RASSF10: variants seen among roughly 807,000 people sequenced by gnomAD.
The protein encoded by RASSF10 is Ras association domain family member 10, also known as ras association domain-containing protein 10.
A neutral mutation model predicts 41.5 loss-of-function variants in RASSF10; 22 were observed. The ratio of observed to expected loss-of-function variants is 0.53; its 90% CI spans 0.38 to 0.76. The LOEUF (loss-of-function observed/expected upper bound fraction) is 0.76. RASSF10 is among the 30% of genes least tolerant of loss of function. RASSF10 has a pLI of 0.00. For missense variants in RASSF10, 776 were observed against 711.8 expected (o/e 1.09, Z -1.03); for synonymous variants, 364 against 319.0 (o/e 1.14, Z -1.50).
rs1358623377 is a variant in RASSF10, at chr11:13,010,771, T to C, written c.1195T>C (p.Tyr399His). The change falls in exon 1 of 1, where the codon TAC becomes CAC. Residue 399 changes from tyrosine to histidine, a missense_variant. By Grantham distance (83) the Tyr-to-His change is moderately conservative. Transcript: ENST00000529419. The surrounding 1 kb of genome is among the most constrained non-coding windows in gnomAD (Gnocchi z 4.8). ...CAGGACGCAGCTCAGTACCAGCCTTTACATTGGGCTGCGGCTCAACACGGA... is the reference window on the plus strand; with the variant it reads ...CAGGACGCAGCTCAGTACCAGCCTTCACATTGGGCTGCGGCTCAACACGGA... ...RVRTQLSTSL[Y>H]IGLRLNTDLE... is the part of the protein sequence containing the mutation. 4 of 1,609,254 alleles carry C rather than the reference T, an allele frequency of 2.5e-6. No homozygotes were observed. The highest frequency in any genetic ancestry group is 3.4e-6 in the Non-Finnish European group (4 of 1,177,902).
chr11:13,009,545 G>A lies in RASSF10; in HGVS notation c.-32G>A, dbSNP rs777073562. 3.1e-6 allele frequency: 5 copies of A among 1,594,206 alleles called. No homozygotes were observed. The highest frequency in any genetic ancestry group is 4.3e-6 in the Non-Finnish European group (5 of 1,168,086). On this transcript the variant is annotated 5_prime_UTR_variant, in exon 1 of 1. Coordinates refer to ENST00000529419, the MANE Select transcript of RASSF10 (RefSeq NM_001080521.3). ...GTCCTCGCCGCCCCAGCAGACCCCGGCCGGACCTGCCACCTGCGCCCTGGT... is the reference window on the plus strand; with the variant it reads ...GTCCTCGCCGCCCCAGCAGACCCCGACCGGACCTGCCACCTGCGCCCTGGT...
chr11:13,009,719 GGA>G lies in RASSF10; in HGVS notation c.145_146del (p.Ser49ProfsTer52). ...TGCCGGCGGCGACGGAGACAGCGGC[GGA>G]GCCGGCGGCTGGGGTCGGCCGGCGA... On this transcript the variant is annotated frameshift_variant, in exon 1 of 1. Coordinates refer to ENST00000529419, the MANE Select transcript of RASSF10 (RefSeq NM_001080521.3). LOFTEE classifies it high-confidence loss of function. 6.3e-7 allele frequency: 1 copy of G among 1,586,808 alleles called. No homozygotes were observed. The highest frequency in any genetic ancestry group is 8.6e-7 in the Non-Finnish European group (1 of 1,167,100).
chr11:13,010,617 A>T lies in RASSF10; in HGVS notation c.1041A>T (p.Ser347=). 6.3e-7 allele frequency: 1 copy of T among 1,587,908 alleles called. No individual in the cohort carries two copies. Among genetic ancestry groups the T allele is most frequent in the Non-Finnish European group, 8.6e-7 (1 of 1,168,094 alleles). ...AGGAGGAGTTGCTGGAGCGCCTTTC[A>T]GCCGAGATTCAGGAGGAACTCAACC... ...VQQEELLERL[S]AEIQEELNQR... The change falls in exon 1 of 1, where the codon TCA becomes TCT. Residue 347 remains serine, a synonymous_variant. Coordinates refer to ENST00000529419, the MANE Select transcript of RASSF10 (RefSeq NM_001080521.3). This position sits in a 1 kb window ranked among gnomAD's most constrained non-coding sequence, Gnocchi z 4.8.
In RASSF10 at chr11:13,010,552, T is replaced by A. The variant is rs1351371354; in HGVS notation, c.976T>A (p.Cys326Ser). ...AAALEELARR[C>S]DDLLRLQEQR... ...GGCGCTGGAGGAGCTGGCCCGGCGC[T>A]GCGACGACTTGCTGCGGCTTCAGGA... The change falls in exon 1 of 1, where the codon TGC (cysteine) becomes AGC (serine). Residue 326 changes from cysteine to serine, a missense_variant. Coordinates refer to ENST00000529419, the MANE Select transcript of RASSF10 (RefSeq NM_001080521.3). This position sits in a 1 kb window ranked among gnomAD's most constrained non-coding sequence, Gnocchi z 4.8. 2 of 1,540,390 alleles carry A rather than the reference T, an allele frequency of 1.3e-6. No individual in the cohort carries two copies. Among genetic ancestry groups the A allele is most frequent in the South Asian group, 1.2e-5 (1 of 82,588 alleles).
rs768562464 is a variant in RASSF10, at chr11:13,010,163, C to T, written c.587C>T (p.Pro196Leu). The stretch of plus-strand genomic sequence containing the variant: ...AACCGGCGGCGCCAGCAGCAGACAC[C>T]GTCGTCCTGTTCGTCCACTTCGTCG... Reference protein sequence around the residue: ...KLNRRRQQQTPSSCSSTSSST... With the variant: ...KLNRRRQQQTLSSCSSTSSST... The change falls in exon 1 of 1, where the codon CCG becomes CTG. Residue 196 changes from proline (P) to leucine (L), a missense_variant. Transcript: ENST00000529419. The surrounding 1 kb of genome is among the most constrained non-coding windows in gnomAD (Gnocchi z 4.8). 10 of 1,584,538 alleles carry T rather than the reference C, an allele frequency of 6.3e-6. No homozygotes were observed. In the East Asian group the frequency reaches 1.9e-4, roughly 30 times the overall value.
rs373507190 is a variant in RASSF10 at position 13,010,546 on chromosome 11, C to G, written c.970C>G (p.Arg324Gly). ...GGCGGCGGCGCTGGAGGAGCTGGCC[C>G]GGCGCTGCGACGACTTGCTGCGGCT... is the stretch of plus-strand genomic sequence containing the variant. Reference protein sequence around the residue: ...AQAAALEELARRCDDLLRLQE... With the variant: ...AQAAALEELAGRCDDLLRLQE... The change falls in exon 1 of 1, where the codon CGG becomes GGG. Residue 324 changes from arginine (R) to glycine (G), a missense_variant. By Grantham distance (125) the Arg-to-Gly change is moderately radical. Coordinates refer to ENST00000529419, the MANE Select transcript of RASSF10 (RefSeq NM_001080521.3). The surrounding 1 kb of genome is among the most constrained non-coding windows in gnomAD (Gnocchi z 4.8). The G allele has an allele frequency of 6.1e-5, 93 of 1,534,618 alleles. No homozygotes were observed. The African/African-American group carries it at 1.2e-3, about 19-fold the overall frequency.
At position 13,009,879 on chromosome 11, in the gene RASSF10, G is replaced by A; in HGVS notation, c.303G>A (p.Glu101=). ...YCIVEKWRGF[E]RILPNKTRIL... The stretch of plus-strand genomic sequence containing the variant: ...TCGTGGAGAAGTGGCGCGGCTTTGA[G>A]CGCATCCTCCCCAACAAGACGCGCA... The change falls in exon 1 of 1, where the codon GAG becomes GAA. Residue 101 remains glutamate, a synonymous_variant. Coordinates refer to ENST00000529419, the MANE Select transcript of RASSF10 (RefSeq NM_001080521.3). 6.2e-7 allele frequency: 1 copy of A among 1,605,402 alleles called. No homozygotes were observed. Among genetic ancestry groups the A allele is most frequent in the Non-Finnish European group, 8.5e-7 (1 of 1,176,592 alleles).
rs780369135 is a variant in RASSF10 at position 13,010,921 on chromosome 11, C to T, written c.1345C>T (p.Pro449Ser). 1 of 1,613,776 alleles carries T rather than the reference C, an allele frequency of 6.2e-7. No individual in the cohort carries two copies. Among genetic ancestry groups the T allele is most frequent in the Non-Finnish European group, 8.5e-7 (1 of 1,179,870 alleles). ...GCTGACGGTGGCACCGGATGGGGCT[C>T]CTGGCTCTGGCAGTCCCTCGCGGGA... is the stretch of plus-strand genomic sequence containing the variant. ...LELTVAPDGA[P>S]GSGSPSREPG... is the part of the protein sequence containing the mutation. The change falls in exon 1 of 1, where the codon CCT (proline) becomes TCT (serine). Residue 449 changes from proline (P) to serine (S), a missense_variant. By Grantham distance (74) the Pro-to-Ser change is moderately conservative. Coordinates refer to ENST00000529419, the MANE Select transcript of RASSF10 (RefSeq NM_001080521.3). This position sits in a 1 kb window ranked among gnomAD's most constrained non-coding sequence, Gnocchi z 4.8.
Position 13,010,454 on chromosome 11 carries a change from A to G in RASSF10, c.878A>G (p.Glu293Gly). ...CTCGACGGGTCCAGACCGGGAGAGG[A>G]GCCAGAAGAGGTGGCGGCGGAGGCG... The part of the protein sequence containing the change: ...IELDGSRPGE[E>G]PEEVAAEAEE... The change falls in exon 1 of 1, where the codon GAG becomes GGG. Residue 293 changes from glutamate to glycine, a missense_variant. Coordinates refer to ENST00000529419, the MANE Select transcript of RASSF10 (RefSeq NM_001080521.3). The surrounding 1 kb of genome is among the most constrained non-coding windows in gnomAD (Gnocchi z 4.8). 2.0e-6 allele frequency: 3 copies of G among 1,534,802 alleles called. No individual in the cohort carries two copies. Among genetic ancestry groups the G allele is most frequent in the Non-Finnish European group, 2.6e-6 (3 of 1,138,446 alleles).
At position 13,010,233 on chromosome 11, in the gene RASSF10, C is replaced by A. The variant is rs753305587; in HGVS notation, c.657C>A (p.Ser219Arg). The A allele has an allele frequency of 3.2e-6, 5 of 1,587,274 alleles. No homozygotes were observed. In the Admixed American group the frequency reaches 8.7e-5, roughly 28 times the overall value. Reference sequence around the variant, plus strand: ...CTTCGTCGCCGCGGACCCACGAGAGCGCGTCGGTGGAGCGCATGGAGACGC... The same window carrying A: ...CTTCGTCGCCGCGGACCCACGAGAGAGCGTCGGTGGAGCGCATGGAGACGC... ...SCSSSPRTHE[S>R]ASVERMETLV... The change falls in exon 1 of 1, where the codon AGC becomes AGA. Residue 219 changes from serine to arginine, a missense_variant. Ser to Arg is a moderately radical substitution (Grantham distance 110). Coordinates refer to ENST00000529419, the MANE Select transcript of RASSF10 (RefSeq NM_001080521.3). This position sits in a 1 kb window ranked among gnomAD's most constrained non-coding sequence, Gnocchi z 4.8.
rs1286967776 is a variant in RASSF10, at chr11:13,009,345, G to A, written c.-232G>A. Reference sequence around the variant, plus strand: ...CCAGAGCGGCGGGAGCCGGTCCTGGGCGCGTTGCCCCGGGAGCGCCCGTCG... The same window carrying A: ...CCAGAGCGGCGGGAGCCGGTCCTGGACGCGTTGCCCCGGGAGCGCCCGTCG... On this transcript the variant is annotated 5_prime_UTR_variant, in exon 1 of 1. Transcript: ENST00000529419. The A allele has an allele frequency of 1.0e-6, 1 of 991,680 alleles. No homozygotes were observed. The highest frequency in any genetic ancestry group is 2.1e-5 in the Admixed American group (1 of 47,706). The allele number at this position is 991,680 out of a possible 1,614,324, so 61.4% of individuals were successfully genotyped here. A position where few individuals can be genotyped will look rare whatever the true frequency, so the allele number is the denominator to read the frequency against.
chr11:13,009,585 TTCGGAAAAGAAGATA>T lies in RASSF10; in HGVS notation c.14_28del (p.Glu5_Ser9del). ...TGCGCCCTGGTTGCGCCATGGATCC[TTCGGAAAAGAAGATA>T]TCGGTGTGGATCTGCCAGGAAGAGA... On this transcript the variant is annotated inframe_deletion, in exon 1 of 1. Transcript: ENST00000529419. 1 of 1,608,842 alleles carries T rather than the reference TTCGGAAAAGAAGATA, an allele frequency of 6.2e-7. No individual in the cohort carries two copies. Among genetic ancestry groups the T allele is most frequent in the Non-Finnish European group, 8.5e-7 (1 of 1,176,956 alleles).
chr11:13,010,677 G>C lies in RASSF10; in HGVS notation c.1101G>C (p.Ala367=). ...RWMRRRQEEL[A]AREEPLEPDG... ...TGCGACGGCGCCAGGAGGAGCTGGC[G>C]GCGCGGGAGGAGCCCCTGGAGCCCG... Residue 367 remains alanine (A), a synonymous_variant, in exon 1 of 1, where the codon GCG becomes GCC. Transcript: ENST00000529419. The surrounding 1 kb of genome is among the most constrained non-coding windows in gnomAD (Gnocchi z 4.8). 7 of 1,590,690 alleles carry C rather than the reference G, an allele frequency of 4.4e-6. No homozygotes were observed. Among genetic ancestry groups the C allele is most frequent in the Non-Finnish European group, 6.0e-6 (7 of 1,169,602 alleles).
Position 13,011,007 on chromosome 11 carries a change from C to A in RASSF10, c.1431C>A (p.Ser477Arg), listed in dbSNP as rs749021353. 5.0e-6 allele frequency: 8 copies of A among 1,613,236 alleles called. No homozygotes were observed. Among genetic ancestry groups the A allele is most frequent in the African/African-American group, 1.3e-5 (1 of 74,756 alleles). Reference sequence around the variant, plus strand: ...ACCAGGCCCGTGGACTGGCCAAGAGCGGTCCTGGCAACGACGAAGACTCGG... The same window carrying A: ...ACCAGGCCCGTGGACTGGCCAAGAGAGGTCCTGGCAACGACGAAGACTCGG... The part of the protein sequence containing the change: ...WVDQARGLAK[S>R]GPGNDEDSDT... The change falls in exon 1 of 1, where the codon AGC (serine) becomes AGA (arginine). Residue 477 changes from serine to arginine, a missense_variant. Physicochemically the swap from Ser to Arg is moderately radical, Grantham distance 110 (BLOSUM62 -1). Coordinates refer to ENST00000529419, the MANE Select transcript of RASSF10 (RefSeq NM_001080521.3).
rs1565017393 is a variant in RASSF10, at chr11:13,010,805, C to T, written c.1229C>T (p.Ala410Val). ...IGLRLNTDLE[A>V]VKSDLDYSQQ... The stretch of plus-strand genomic sequence containing the variant: ...CTGCGGCTCAACACGGACCTAGAGG[C>T]CGTCAAGTCGGACTTGGATTACAGC... Residue 410 changes from alanine (A) to valine (V), a missense_variant, in exon 1 of 1, where the codon GCC becomes GTC. Physicochemically the swap from Ala to Val is moderately conservative, Grantham distance 64. Transcript: ENST00000529419. This position sits in a 1 kb window ranked among gnomAD's most constrained non-coding sequence, Gnocchi z 4.8. 1 of 1,613,484 alleles carries T rather than the reference C, an allele frequency of 6.2e-7. No homozygotes were observed. The highest frequency in any genetic ancestry group is 8.5e-7 in the Non-Finnish European group (1 of 1,179,710).
At position 13,011,083 on chromosome 11, in the gene RASSF10, T is replaced by A; in HGVS notation, c.1507T>A (p.Cys503Ser). 1 of 1,254,412 alleles carries A rather than the reference T, an allele frequency of 8.0e-7. No homozygotes were observed. The allele number at this position is 1,254,412 out of a possible 1,614,324, so 77.7% of individuals were successfully genotyped here. Residue 503 changes from cysteine to serine, a missense_variant, in exon 1 of 1, where the codon TGC becomes AGC. Transcript: ENST00000529419. ...CCAAGACTCGGACTCCTTGCCCATG[T>A]GCGAATCCCTTGTGTAGGGGTGGGG... ...HSQDSDSLPM[C>S]ESLV
chr11:13,009,353 C>A lies in RASSF10; in HGVS notation c.-224C>A. 9.3e-7 allele frequency: 1 copy of A among 1,070,438 alleles called. No individual in the cohort carries two copies. The allele number at this position is 1,070,438 out of a possible 1,614,324, so 66.3% of individuals were successfully genotyped here. A position where few individuals can be genotyped will look rare whatever the true frequency, so the allele number is the denominator to read the frequency against. On this transcript the variant is annotated 5_prime_UTR_variant, in exon 1 of 1. Coordinates refer to ENST00000529419, the MANE Select transcript of RASSF10 (RefSeq NM_001080521.3). ...GCGGGAGCCGGTCCTGGGCGCGTTG[C>A]CCCGGGAGCGCCCGTCGTCCGGGCA...
chr11:13,010,569 G>A lies in RASSF10; in HGVS notation c.993G>A (p.Arg331=), dbSNP rs766558568. 1.3e-6 allele frequency: 2 copies of A among 1,555,646 alleles called. No individual in the cohort carries two copies. Among genetic ancestry groups the A allele is most frequent in the East Asian group, 2.4e-5 (1 of 41,638 alleles). ...ELARRCDDLL[R]LQEQRVQQEE... is the part of the protein sequence containing the mutation. ...CCCGGCGCTGCGACGACTTGCTGCG[G>A]CTTCAGGAGCAACGGGTTCAGCAGG... Residue 331 remains arginine, a synonymous_variant, in exon 1 of 1, where the codon CGG becomes CGA. Transcript: ENST00000529419. This position sits in a 1 kb window ranked among gnomAD's most constrained non-coding sequence, Gnocchi z 4.8.
rs777556607 is a variant in RASSF10 at position 13,009,459 on chromosome 11, C to G, written c.-118C>G. Reference sequence around the variant, plus strand: ...GCGCAGCGGGGGAACAGGGCTAGTGCAGCCGCCGGAGGGGGGCACGGGCTC... The same window carrying G: ...GCGCAGCGGGGGAACAGGGCTAGTGGAGCCGCCGGAGGGGGGCACGGGCTC... On this transcript the variant is annotated 5_prime_UTR_variant, in exon 1 of 1. Coordinates refer to ENST00000529419, the MANE Select transcript of RASSF10 (RefSeq NM_001080521.3). 2.7e-6 allele frequency: 4 copies of G among 1,508,148 alleles called. No individual in the cohort carries two copies. The African/African-American group carries it at 5.6e-5, about 21-fold the overall frequency. The allele number at this position is 1,508,148 out of a possible 1,614,324, so 93.4% of individuals were successfully genotyped here.
Sources: gnomAD v4.1 joint callset for allele counts on GRCh38, gnomAD v4.1.1 for gene constraint, Gnocchi (gnomAD v3.1) non-coding constraint, MANE v1.5 for transcripts, NCBI Gene and HGNC (gene_info 2026-07-23, HGNC 2026-07-21) for gene names.